Variants in PHC3 observed in about 807,000 individuals in gnomAD.
PHC3 encodes the protein polyhomeotic homolog 3, also known as polyhomeotic-like protein 3.
PHC3 carries 13 observed loss-of-function variants against 107.4 expected under a neutral mutation model. That is an observed-to-expected ratio of 0.12 (90% CI 0.08 to 0.19). The LOEUF is 0.19. Among genes scored for constraint, PHC3 ranks in the 10% least tolerant of loss-of-function variants. PHC3 has a pLI of 1.00. For missense variants in PHC3, 992 were observed against 1,210.9 expected (o/e 0.82, Z 2.68); for synonymous variants, 456 against 427.4 (o/e 1.07, Z -0.83).
rs546630987 is a variant in PHC3 at position 170,150,779 on chromosome 3, G to A, written c.415-1535C>T. On this transcript the variant is annotated intron_variant, in intron 4 of 14. Coordinates refer to ENST00000495893, the MANE Select transcript of PHC3 (RefSeq NM_024947.4). ...GCATTGTTAACCTCTAGAAGGATGC[G>A]TAAGAAACTGGTAACTGGTTGTATC... is the stretch of plus-strand genomic sequence containing the variant. 123 of 369,640 alleles carry A rather than the reference G, an allele frequency of 3.3e-4. 1 individual carries two copies. The highest frequency in any genetic ancestry group is 2.2e-3 in the South Asian group (115 of 52,984). The allele number at this position is 369,640 out of a possible 1,614,324, so 22.9% of individuals were successfully genotyped here. A position where few individuals can be genotyped will look rare whatever the true frequency, so the allele number is the denominator to read the frequency against.
At position 170,089,914 on chromosome 3, in the gene PHC3, CAAAAAAAAAAAAAAG is replaced by C. The variant is rs1713902242; in HGVS notation, c.*7301_*7315del. On this transcript the variant is annotated 3_prime_UTR_variant, in exon 15 of 15. Coordinates refer to ENST00000495893, the MANE Select transcript of PHC3 (RefSeq NM_024947.4). Reference sequence around the variant, plus strand: ...CCTGGGCAACAGAGCGAACCCATCTCAAAAAAAAAAAAAAGAAAAAAAAAAAAAAAGAAAGAAAGT... The same window carrying C: ...CCTGGGCAACAGAGCGAACCCATCTCAAAAAAAAAAAAAAAGAAAGAAAGT... 2.3e-5 allele frequency: 1 copy of C among 43,620 alleles called. No individual in the cohort carries two copies. Among genetic ancestry groups the C allele is most frequent in the Non-Finnish European group, 5.3e-5 (1 of 19,012 alleles). The allele number at this position is 43,620 out of a possible 1,614,324, so 2.7% of individuals were successfully genotyped here.
At chr3:170,139,631 C>T (rs1260475938) in intron 6 of PHC3, among the ~76,000 whole-genome samples, 4 of 152,124 alleles carry the variant, frequency 2.6e-5, no homozygotes, top group Admixed American at 6.6e-5. Context: ...TATATACTTA[C>T]ATACACTATG....
intron 11 of PHC3, among the ~76,000 whole-genome samples, 155 bp downstream of exon 11, chr3:170,113,205 T>G (rs949814709): frequency 6.6e-6 from 1 of 152,232 alleles, no homozygotes; most frequent in Non-Finnish European, 1.5e-5. Context: ...AGAGTCTGAT[T>G]AGCTTTCCCA....
At chr3:170,113,582 G>A (rs778708052) in intron 10 of PHC3, 63 bp from the exon 11 acceptor site, 42 of 1,474,734 alleles carry the variant, frequency 2.8e-5, no homozygotes, top group Non-Finnish European at 3.7e-5. Flanking sequence ...AAATACTTTG[G>A]TTTAAAAAAC....
chr3:170,164,759 C>A (rs1489238700), intron 4 of PHC3, among the ~76,000 whole-genome samples: 1 of 152,158 alleles, frequency 6.6e-6, no homozygotes, highest in Non-Finnish European at 1.5e-5. Context: ...AGAAACACCA[C>A]AGGCACAAAC....
chr3:170,124,021 G>A (rs1316193446), intron 8 of PHC3, among the ~76,000 whole-genome samples: 1 of 151,692 alleles, frequency 6.6e-6, no homozygotes, highest in South Asian at 2.1e-4. Flanking sequence ...CTAATTTTTT[G>A]TACTTTTTAG....
chr3:170,100,470 G>C (rs941007569), intron 14 of PHC3, among the ~76,000 whole-genome samples: 14 of 152,144 alleles, frequency 9.2e-5, no homozygotes, highest in African/African-American at 3.1e-4. Context: ...TATTTGGCCT[G>C]TCAAAGCAGT....
At position 170,117,274 on chromosome 3, in the gene PHC3, G is replaced by A. The variant is rs1297596353; in HGVS notation, c.2145C>T (p.Thr715=). Residue 715 remains threonine (T), a synonymous_variant, in exon 10 of 15, where the codon ACC becomes ACT. Coordinates refer to ENST00000495893, the MANE Select transcript of PHC3 (RefSeq NM_024947.4). ...PQAIVKPQIL[T]HVIEGFVIQE... ...GAATCACAAAGCCTTCAATAACATG[G>A]GTTAGGATCTGTGGTTTAACAATAG... The A allele has an allele frequency of 5.6e-6, 9 of 1,613,916 alleles. No individual in the cohort carries two copies. The highest frequency in any genetic ancestry group is 7.6e-6 in the Non-Finnish European group (9 of 1,179,868).
chr3:170,113,553 T>A, intron 10 of PHC3, 34 bp from the exon 11 acceptor site: 1 of 1,563,298 alleles, frequency 6.4e-7, no homozygotes, highest in Non-Finnish European at 8.6e-7. Flanking sequence ...AATGAAACAA[T>A]CTCCAAAAAG....
At chr3:170,173,187 C>G (rs1413813904) in intron 2 of PHC3, among the ~76,000 whole-genome samples, 2 of 150,908 alleles carry the variant, frequency 1.3e-5, no homozygotes, top group Non-Finnish European at 3.0e-5. Flanking sequence ...AGCAAGACTC[C>G]CATCTCAAAA....
rs1714006345 is a variant in PHC3 at position 170,090,702 on chromosome 3, G to A, written c.*6528C>T. ...TAGAGCTGGGAGGTACCTTAAAGATGAATTAAACCAAAATCAACTTTTGAG... is the reference window on the plus strand; with the variant it reads ...TAGAGCTGGGAGGTACCTTAAAGATAAATTAAACCAAAATCAACTTTTGAG... On this transcript the variant is annotated 3_prime_UTR_variant, in exon 15 of 15. Transcript: ENST00000495893. The A allele has an allele frequency of 6.6e-6, 1 of 152,072 alleles. No homozygotes were observed. Among genetic ancestry groups the A allele is most frequent in the South Asian group, 2.1e-4 (1 of 4,812 alleles). The allele number at this position is 152,072 out of a possible 1,614,324, so 9.4% of individuals were successfully genotyped here. A position where few individuals can be genotyped will look rare whatever the true frequency, so the allele number is the denominator to read the frequency against.
At chr3:170,099,206 TG>T (rs1379702299) in intron 14 of PHC3, among the ~76,000 whole-genome samples, 1 of 152,188 alleles carries the variant, frequency 6.6e-6, no homozygotes, top group East Asian at 1.9e-4. Flanking sequence ...TCCTCTGTAT[TG>T]TGAGATTCCT....
chr3:170,112,093 A>C (rs951847754), intron 11 of PHC3, among the ~76,000 whole-genome samples: 34 of 152,216 alleles, frequency 2.2e-4, no homozygotes, highest in Non-Finnish European at 3.5e-4. Flanking sequence ...CAGCCCAAAA[A>C]ACAGTAAAAA....
At chr3:170,117,897 C>A (rs927278719) in intron 9 of PHC3, among the ~76,000 whole-genome samples, 5 of 151,406 alleles carry the variant, frequency 3.3e-5, no homozygotes, top group Non-Finnish European at 7.4e-5. Context: ...CCTGTCATCT[C>A]AGCTACTTGG....
At chr3:170,166,203 G>A (rs1728724239) in intron 4 of PHC3, among the ~76,000 whole-genome samples, 1 of 151,766 alleles carries the variant, frequency 6.6e-6, no homozygotes. Flanking sequence ...TACCACCATG[G>A]AAGGCTTATT....
intron 4 of PHC3, among the ~76,000 whole-genome samples, chr3:170,151,486 G>C (rs1259290643): frequency 1.3e-5 from 2 of 152,116 alleles, no homozygotes; most frequent in Non-Finnish European, 2.9e-5. Flanking sequence ...GAAATTCCTG[G>C]TGCCAGAAAG....
At chr3:170,101,389 A>G (rs2108264669) in intron 14 of PHC3, among the ~76,000 whole-genome samples, 1 of 152,342 alleles carries the variant, frequency 6.6e-6, no homozygotes, top group South Asian at 2.1e-4. Flanking sequence ...TTTCTTGTAT[A>G]GCATGTTAGC....
In PHC3 at chr3:170,090,779, T is replaced by C. The variant is rs1380477556; in HGVS notation, c.*6451A>G. Reference sequence around the variant, plus strand: ...GGAAGCTGTTAAAACAGCTGAGTAATTGCCCAACATGTCACACACAGCTAA... The same window carrying C: ...GGAAGCTGTTAAAACAGCTGAGTAACTGCCCAACATGTCACACACAGCTAA... On this transcript the variant is annotated 3_prime_UTR_variant, in exon 15 of 15. Coordinates refer to ENST00000495893, the MANE Select transcript of PHC3 (RefSeq NM_024947.4). The C allele has an allele frequency of 2.6e-5, 4 of 152,146 alleles. No homozygotes were observed. The highest frequency in any genetic ancestry group is 4.4e-5 in the Non-Finnish European group (3 of 68,036). 9.4% of individuals were successfully genotyped at this position (152,146 alleles called of 1,614,324 possible).
At chr3:170,099,600 C>G (rs961241526) in intron 14 of PHC3, among the ~76,000 whole-genome samples, 1 of 152,140 alleles carries the variant, frequency 6.6e-6, no homozygotes, top group African/African-American at 2.4e-5. Flanking sequence ...TTCACCTCAC[C>G]AGAAGCAAGT....
Sources: allele counts gnomAD v4.1 joint callset (sites outside exome capture counted in the v4.1 genomes callset), GRCh38; gene constraint gnomAD v4.1.1; transcripts MANE v1.5; gene names NCBI Gene and HGNC (gene_info 2026-07-23, HGNC 2026-07-21).